SHANK1: variants seen among roughly 807,000 people sequenced by gnomAD.
SHANK1 encodes SH3 and multiple ankyrin repeat domains 1.
In SHANK1, 35 loss-of-function variants were observed where a neutral mutation model predicts 165.6. The observed-to-expected ratio is 0.21, with a 90% CI of 0.16 to 0.28. The LOEUF (loss-of-function observed/expected upper bound fraction) is 0.28. Among genes scored for constraint, SHANK1 ranks in the 10% least tolerant of loss-of-function variants. The probability of loss-of-function intolerance (pLI) is 1.00; values close to 1 mark genes in which losing one functional copy is unlikely to be tolerated. For synonymous variants in SHANK1, 1,428 were observed against 1,384.8 expected, an observed-to-expected ratio of 1.03 and a Z score of -0.69; for missense variants, 2,681 against 3,036.4, an observed-to-expected ratio of 0.88 and a Z score of 2.75.
intron 21 of SHANK1, among the ~76,000 whole-genome samples, chr19:50,675,248 C>A (rs78539313): frequency 1.1e-3 from 160 of 151,990 alleles, no homozygotes; most frequent in African/African-American, 3.7e-3. Flanking sequence ...AGAAACAGAC[C>A]AACCAAAAAG....
At position 50,686,231 on chromosome 19, in the gene SHANK1, G is replaced by T. The variant is rs1435700286; in HGVS notation, c.2577+6C>A. ...TGGCAGTTCCTCCCCACACCAGGCC[G>T]CCTACCTCAGTGGCAAAGAAACCTT... On this transcript the variant is annotated splice_donor_region_variant and intron_variant, in intron 21 of 23. Coordinates refer to ENST00000293441, the MANE Select transcript of SHANK1 (RefSeq NM_016148.5). This position sits in a 1 kb window ranked among gnomAD's most constrained non-coding sequence, Gnocchi z 5.7. 2 of 1,565,604 alleles carry T rather than the reference G, an allele frequency of 1.3e-6. No individual in the cohort carries two copies. Among genetic ancestry groups the T allele is most frequent in the Non-Finnish European group, 1.7e-6 (2 of 1,148,802 alleles).
At chr19:50,693,675 G>A (rs926666604) in intron 15 of SHANK1, among the ~76,000 whole-genome samples, 4 of 151,196 alleles carry the variant, frequency 2.6e-5, no homozygotes, top group African/African-American at 9.8e-5. Context: ...CCCTTCCCAC[G>A]TACCCGTGTC....
rs915896260 is a variant in SHANK1 at position 50,666,901 on chromosome 19, G to T, written c.5059C>A (p.Pro1687Thr). 6.9e-6 allele frequency: 11 copies of T among 1,598,208 alleles called. No homozygotes were observed. Among genetic ancestry groups the T allele is most frequent in the Non-Finnish European group, 9.4e-6 (11 of 1,174,226 alleles). The change falls in exon 23 of 24, where the codon CCA (proline) becomes ACA (threonine). Residue 1687 changes from proline to threonine, a missense_variant. Around this residue, in one of 10 missense-constraint regions of SHANK1, gnomAD observed 1,713 missense variants for 1,630.2 expected, o/e 1.05. Coordinates refer to ENST00000293441, the MANE Select transcript of SHANK1 (RefSeq NM_016148.5). ...GAGGCGCTGCTGATGGTCTCCAGTG[G>T]GTGGTCACTGCTGCTCCGACTGTCC... ...EVDSRSSSDH[P>T]LETISSASTL... is the part of the protein sequence containing the mutation.
rs759448269 is a variant in SHANK1 at position 50,667,248 on chromosome 19, A to G, written c.4712T>C (p.Leu1571Pro). The change falls in exon 23 of 24, where the codon CTG (leucine) becomes CCG (proline). Residue 1571 changes from leucine to proline, a missense_variant. By Grantham distance (98) the Leu-to-Pro change is moderately conservative. This residue lies in a region of SHANK1 where 1,713 missense variants were observed against 1,630.2 expected (regional missense o/e 1.05). Coordinates refer to ENST00000293441, the MANE Select transcript of SHANK1 (RefSeq NM_016148.5). The surrounding 1 kb of genome is among the most constrained non-coding windows in gnomAD (Gnocchi z 5.7). ...FLFVEPLPPP[L>P]EFSNSFEKPE... ...CTTTTCGAAGCTGTTGGAGAATTCC[A>G]GAGGCGGAGGCAGCGGTTCCACGAA... 1.3e-6 allele frequency: 2 copies of G among 1,592,874 alleles called. No individual in the cohort carries two copies. The highest frequency in any genetic ancestry group is 4.5e-5 in the East Asian group (2 of 44,538).
Position 50,660,272 on chromosome 19 carries a change from A to C in SHANK1, c.*1693T>G, listed in dbSNP as rs1346565717. Among the ~76,000 whole-genome samples, 1 of 151,966 alleles carries C rather than the reference A, an allele frequency of 6.6e-6. No homozygotes were observed. Among genetic ancestry groups the C allele is most frequent in the Non-Finnish European group, 1.5e-5 (1 of 67,988 alleles). On this transcript the variant is annotated 3_prime_UTR_variant, in exon 24 of 24. Coordinates refer to ENST00000293441, the MANE Select transcript of SHANK1 (RefSeq NM_016148.5). Reference sequence around the variant, plus strand: ...GAACAGCCATGCTGGAGGGAGAGGGAGCTTCTTGGAGTGGACAGGTTAGGA... The same window carrying C: ...GAACAGCCATGCTGGAGGGAGAGGGCGCTTCTTGGAGTGGACAGGTTAGGA...
intron 19 of SHANK1, chr19:50,687,032 A>G: frequency 6.7e-7 from 1 of 1,484,962 alleles, no homozygotes; most frequent in Non-Finnish European, 8.9e-7. Flanking sequence ...TTCTTCTTCC[A>G]GGGGGAGACT....
intron 15 of SHANK1, among the ~76,000 whole-genome samples, chr19:50,692,895 C>G (rs746566776): frequency 1.3e-5 from 2 of 149,020 alleles, no homozygotes; most frequent in Non-Finnish European, 3.0e-5. Flanking sequence ...CACCCTACCC[C>G]CCTTTCCCCC....
At chr19:50,684,733 T>G (rs1193976380) in intron 21 of SHANK1, among the ~76,000 whole-genome samples, 1 of 152,156 alleles carries the variant, frequency 6.6e-6, no homozygotes, top group Non-Finnish European at 1.5e-5. Flanking sequence ...GTATCCCCAG[T>G]AGGAATCACA....
intron 21 of SHANK1, among the ~76,000 whole-genome samples, chr19:50,679,943 G>C (rs1487964699): frequency 2.0e-5 from 3 of 151,902 alleles, no homozygotes; most frequent in African/African-American, 7.3e-5. Flanking sequence ...TAGGGAGACA[G>C]AGATAGAGAG....
At chr19:50,694,541 T>G (rs1165041790) in intron 15 of SHANK1, among the ~76,000 whole-genome samples, 1 of 97,896 alleles carries the variant, frequency 1.0e-5, no homozygotes, top group Non-Finnish European at 2.0e-5. Context: ...CTCCAAATCC[T>G]GGAGGGGGGT....
intron 15 of SHANK1, among the ~76,000 whole-genome samples, chr19:50,694,260 C>G (rs1264000363): frequency 6.6e-6 from 1 of 151,838 alleles, no homozygotes; most frequent in Non-Finnish European, 1.5e-5. Context: ...CACACTGACA[C>G]ACGCACCGTC....
At chr19:50,708,371 C>T (rs2088969974) in intron 8 of SHANK1, among the ~76,000 whole-genome samples, 3 of 152,168 alleles carry the variant, frequency 2.0e-5, no homozygotes, top group Admixed American at 1.3e-4. Context: ...GAGTTGATGG[C>T]TCCCTCCCCT....
intron 3 of SHANK1, 48 bp from the exon 4 acceptor site, chr19:50,715,778 A>T (rs1568446699): frequency 6.4e-7 from 1 of 1,556,124 alleles, no homozygotes; most frequent in Middle Eastern, 1.7e-4. Flanking sequence ...ACTTGGAATC[A>T]GGGGCCTGGG....
Position 50,661,949 on chromosome 19 carries a change from C to G in SHANK1, c.*16G>C. ...CAAGAGTTCTGTGGACGGGGCTGGT[C>G]CGTCCAGGCCAGCCATCACCTCTCC... On this transcript the variant is annotated 3_prime_UTR_variant, in exon 24 of 24. Transcript: ENST00000293441. 1.2e-6 allele frequency: 2 copies of G among 1,612,838 alleles called. No individual in the cohort carries two copies. Among genetic ancestry groups the G allele is most frequent in the Non-Finnish European group, 1.7e-6 (2 of 1,179,854 alleles).
chr19:50,665,168 C>T (rs755749262), intron 23 of SHANK1, among the ~76,000 whole-genome samples: 53 of 152,192 alleles, frequency 3.5e-4, no homozygotes, highest in Non-Finnish European at 6.9e-4. Flanking sequence ...GTGGCTTACA[C>T]CTGTAATCAC....
Position 50,686,371 on chromosome 19 carries a change from T to A in SHANK1, c.2459-16A>T. ...TCCAGTTTGTCTAGGGGTAGATGAA[T>A]GAACAGAGGTGGGAAGACAATGAAA... On this transcript the variant is annotated splice_polypyrimidine_tract_variant and intron_variant, in intron 20 of 23. Transcript: ENST00000293441. The surrounding 1 kb of genome is among the most constrained non-coding windows in gnomAD (Gnocchi z 5.7). The A allele has an allele frequency of 6.6e-7, 1 of 1,509,988 alleles. No individual in the cohort carries two copies. Among genetic ancestry groups the A allele is most frequent in the Non-Finnish European group, 9.1e-7 (1 of 1,102,458 alleles). 93.5% of individuals were successfully genotyped at this position (1,509,988 alleles called of 1,614,324 possible).
At chr19:50,711,584 C>A (rs2089011449) in intron 7 of SHANK1, 97 bp from the exon 8 acceptor site, 1 of 861,850 alleles carries the variant, frequency 1.2e-6, no homozygotes, top group Non-Finnish European at 1.8e-6. Context: ...GCCTTCTCAT[C>A]CTATCGTTCA....
rs758391577 is a variant in SHANK1 at position 50,666,872 on chromosome 19, C to T, written c.5088G>A (p.Thr1696=). 8 of 1,577,006 alleles carry T rather than the reference C, an allele frequency of 5.1e-6. No homozygotes were observed. In the African/African-American group the frequency reaches 6.7e-5, roughly 13 times the overall value. Residue 1696 remains threonine (T), a synonymous_variant, in exon 23 of 24, where the codon ACG becomes ACA. Coordinates refer to ENST00000293441, the MANE Select transcript of SHANK1 (RefSeq NM_016148.5). ...CACCTTCGGCAGATAGGCTGCTCAG[C>T]GTGGAGGCGCTGCTGATGGTCTCCA... ...HPLETISSAS[T]LSSLSAEGGG...
chr19:50,703,325 G>A (rs1462440592), intron 11 of SHANK1, among the ~76,000 whole-genome samples, 175 bp downstream of exon 11: 1 of 152,154 alleles, frequency 6.6e-6, no homozygotes, highest in Admixed American at 6.5e-5. Context: ...GTGGTGCACC[G>A]GGGGTGGAGT....
Sources: allele counts gnomAD v4.1 joint callset (sites outside exome capture counted in the v4.1 genomes callset), GRCh38; gene constraint gnomAD v4.1.1; regional missense constraint gnomAD v4.1.1; non-coding constraint Gnocchi (gnomAD v3.1); transcripts MANE v1.5; gene names NCBI Gene and HGNC (gene_info 2026-07-23, HGNC 2026-07-21).